ZNF610: variants seen among roughly 807,000 people sequenced by gnomAD.
ZNF610 encodes zink finger protein.
A neutral mutation model predicts 14.1 loss-of-function variants in ZNF610; 14 were observed. The ratio of observed to expected loss-of-function variants is 0.99; its 90% CI spans 0.65 to 1.55. ZNF610 has a LOEUF of 1.55. ZNF610 is among the 40% of genes most tolerant of loss of function. The pLI is 0.00. For missense variants in ZNF610, 530 were observed against 558.0 expected (o/e 0.95, Z 0.51); for synonymous variants, 185 against 187.6 (o/e 0.99, Z 0.11).
rs968070486 is a variant in ZNF610, at chr19:52,365,925, C to T, written c.547C>T (p.Leu183Phe). The T allele has an allele frequency of 2.5e-6, 4 of 1,612,764 alleles. No homozygotes were observed. The African/African-American group carries it at 4.0e-5, about 16-fold the overall frequency. ...CATTTTTAATAAATATAGAAATGAT[C>T]TTATTGATTTCCCATTACTCCCACA... ...THIFNKYRND[L>F]IDFPLLPQEE... The change falls in exon 6 of 6, where the codon CTT (leucine) becomes TTT (phenylalanine). Residue 183 changes from leucine to phenylalanine, a missense_variant. Physicochemically the swap from Leu to Phe is conservative, Grantham distance 22. Transcript: ENST00000403906.
intron 5 of ZNF610, among the ~76,000 whole-genome samples, chr19:52,359,389 A>G (rs1600238937): frequency 6.6e-6 from 1 of 152,164 alleles, no homozygotes; most frequent in South Asian, 2.1e-4. Context: ...GAGGTTTTGC[A>G]TCTACAGATT....
chr19:52,333,030 T>G (rs1984245101), upstream of ZNF610, among the ~76,000 whole-genome samples: 1 of 152,154 alleles, frequency 6.6e-6, no homozygotes, highest in Non-Finnish European at 1.5e-5. Context: ...TCCTCTTCCC[T>G]CAGCCCCAGT....
chr19:52,350,701 A>G (rs1985210133), intron 3 of ZNF610, among the ~76,000 whole-genome samples: 1 of 151,404 alleles, frequency 6.6e-6, no homozygotes, highest in South Asian at 2.1e-4. Flanking sequence ...AACAAAAAAA[A>G]CCTATACAGC....
chr19:52,338,514 A>G (rs1289754112), intron 1 of ZNF610, among the ~76,000 whole-genome samples: 1 of 152,122 alleles, frequency 6.6e-6, no homozygotes, highest in Non-Finnish European at 1.5e-5. Flanking sequence ...GTGAAACCCC[A>G]TCTCTACTGA....
upstream of ZNF610, among the ~76,000 whole-genome samples, chr19:52,335,563 A>G (rs971850675): frequency 5.3e-5 from 8 of 152,246 alleles, no homozygotes; most frequent in Non-Finnish European, 1.5e-5. Context: ...ACCCACCTCA[A>G]TTTGGGTGGG....
At chr19:52,349,647 G>A (rs1477037825) in intron 3 of ZNF610, among the ~76,000 whole-genome samples, 2 of 149,942 alleles carry the variant, frequency 1.3e-5, no homozygotes, top group Non-Finnish European at 3.0e-5. Context: ...ATCTCGACTC[G>A]CTGCAACCTC....
At chr19:52,330,881 G>A in the ZNF610 span, among the ~76,000 whole-genome samples, 1 of 152,220 alleles carries the variant, frequency 6.6e-6, no homozygotes, top group African/African-American at 2.4e-5. Context: ...AATGAAGAAT[G>A]TGATGTCAAT....
intron 1 of ZNF610, among the ~76,000 whole-genome samples, chr19:52,346,065 C>A (rs1388322617): frequency 6.6e-6 from 1 of 151,412 alleles, no homozygotes; most frequent in African/African-American, 2.5e-5. Flanking sequence ...GTAGTGTGAT[C>A]TTGGCTCACT....
intron 5 of ZNF610, among the ~76,000 whole-genome samples, chr19:52,361,955 C>G (rs1985804271): frequency 6.6e-6 from 1 of 152,134 alleles, no homozygotes; most frequent in African/African-American, 2.4e-5. Flanking sequence ...AGGTCTCACT[C>G]TGTCTCCCAC....
chr19:52,350,871 A>T (rs1222150023), intron 3 of ZNF610, among the ~76,000 whole-genome samples: 1 of 150,382 alleles, frequency 6.6e-6, no homozygotes, highest in Non-Finnish European at 1.5e-5. Flanking sequence ...ATGGTGGCAC[A>T]TGCCTGTAAT....
rs150692972 is a variant in ZNF610 at position 52,366,610 on chromosome 19, G to A, written c.1232G>A (p.Arg411His). The A allele has an allele frequency of 3.3e-5, 53 of 1,614,026 alleles. No individual in the cohort carries two copies. The highest frequency in any genetic ancestry group is 2.9e-4 in the African/African-American group (22 of 74,996). ...KCNECDKVFG[R>H]KLYLTNHQRI... ...AATGAATGTGACAAAGTCTTTGGGC[G>A]CAAATTATACCTAACCAACCATCAG... Residue 411 changes from arginine (R) to histidine (H), a missense_variant, in exon 6 of 6, where the codon CGC becomes CAC. Arg to His is a conservative substitution (Grantham distance 29). Transcript: ENST00000403906.
rs745965953 is a variant in ZNF610, at chr19:52,366,082, CT to C, written c.705del (p.Glu236AsnfsTer13). The C allele has an allele frequency of 9.9e-6, 16 of 1,613,878 alleles. No homozygotes were observed. Among genetic ancestry groups the C allele is most frequent in the Non-Finnish European group, 9.3e-6 (11 of 1,179,980 alleles). On this transcript the variant is annotated frameshift_variant, in exon 6 of 6. Transcript: ENST00000403906. LOFTEE classifies it low-confidence loss of function (END_TRUNC). ...ACTGCAGAGAAACCTTACAAATGTACTGAATGTGGCAAGGTCTTCAGTCGCA... is the reference window on the plus strand; with the variant it reads ...ACTGCAGAGAAACCTTACAAATGTACGAATGTGGCAAGGTCTTCAGTCGCA... ...IHTAEKPYKC[T>X]ECGKVFSRNS... is the part of the protein sequence containing the mutation.
intron 5 of ZNF610, among the ~76,000 whole-genome samples, chr19:52,354,580 ATTTTTTTTT>A (rs201439857): frequency 4.0e-5 from 5 of 123,656 alleles, no homozygotes; most frequent in South Asian, 4.8e-4. Flanking sequence ...AAGCCATACT[ATTTTTTTTT>A]TTTTTTTTTT....
At chr19:52,331,582 T>C (rs142592486), upstream of ZNF610, among the ~76,000 whole-genome samples, 358 of 152,278 alleles carry the variant, frequency 2.4e-3, 6 homozygotes, top group East Asian at 0.028. Context: ...GAATGCAGGA[T>C]ATGGGCAAAC....
chr19:52,363,127 CTT>C (rs1280670705), intron 5 of ZNF610, among the ~76,000 whole-genome samples: 30 of 141,766 alleles, frequency 2.1e-4, no homozygotes, highest in Admixed American at 2.8e-4. Context: ...GTTCTATCCC[CTT>C]TTTTTTTTTT....
chr19:52,348,811 C>T (rs546627596), intron 2 of ZNF610, among the ~76,000 whole-genome samples: 1 of 152,226 alleles, frequency 6.6e-6, no homozygotes, highest in Admixed American at 6.5e-5. Flanking sequence ...TGAGGGCTTA[C>T]ATGAGCCTGG....
intron 5 of ZNF610, among the ~76,000 whole-genome samples, chr19:52,356,725 A>G (rs1487118894): frequency 6.6e-6 from 1 of 152,152 alleles, no homozygotes; most frequent in South Asian, 2.1e-4. Context: ...TACAGTGTAT[A>G]ATATGGAAAT....
At chr19:52,354,647 C>T (rs1349526245) in intron 5 of ZNF610, among the ~76,000 whole-genome samples, 4 of 143,938 alleles carry the variant, frequency 2.8e-5, no homozygotes, top group East Asian at 2.0e-4. Context: ...GGTGTGATCT[C>T]GGCTCACTGC....
At chr19:52,346,355 G>C (rs1984957396) in intron 1 of ZNF610, among the ~76,000 whole-genome samples, 1 of 147,738 alleles carries the variant, frequency 6.8e-6, no homozygotes, top group South Asian at 2.1e-4. Flanking sequence ...AGTAGAGACG[G>C]GGTTTCACCA....
Sources: gnomAD v4.1 joint callset for allele counts (sites outside exome capture counted in the v4.1 genomes callset) on GRCh38, gnomAD v4.1.1 for gene constraint, MANE v1.5 for transcripts, NCBI Gene and HGNC (gene_info 2026-07-23, HGNC 2026-07-21) for gene names.